PTPRD: variants seen among roughly 807,000 people sequenced by gnomAD.
The protein encoded by PTPRD is receptor-type tyrosine-protein phosphatase delta.
Under a neutral mutation model 214.5 loss-of-function variants are expected in PTPRD, and 34 were observed. The ratio of observed to expected loss-of-function variants is 0.16; its 90% CI spans 0.12 to 0.21. PTPRD has a LOEUF of 0.21. Ranked by LOEUF, PTPRD falls within the 10% of genes least tolerant of loss-of-function variation. The pLI is 1.00. For synonymous variants in PTPRD, 1,128 were observed against 845.7 expected, an observed-to-expected ratio of 1.33 and a Z score of -5.79; for missense variants, 2,545 against 2,398.7, an observed-to-expected ratio of 1.06 and a Z score of -1.27.
intron 9 of PTPRD, among the ~76,000 whole-genome samples, chr9:9,253,513 AT>A (rs1488790267): frequency 1.4e-5 from 2 of 143,122 alleles, no homozygotes; most frequent in Non-Finnish European, 3.1e-5. Context: ...GAAAAAAAAA[AT>A]ATGTATACAC....
chr9:9,625,903 C>A (rs1375114459), intron 7 of PTPRD, among the ~76,000 whole-genome samples: 1 of 152,162 alleles, frequency 6.6e-6, no homozygotes, highest in African/African-American at 2.4e-5. Flanking sequence ...CAGGAGTCAG[C>A]AGACTTTATC....
rs2097394793 is a variant in PTPRD, at chr9:8,501,078, T to C, written c.1823-19A>G. On this transcript the variant is annotated intron_variant, in intron 23 of 45. Coordinates refer to ENST00000381196, the MANE Select transcript of PTPRD (RefSeq NM_002839.4). ...GACGGCTCTTATTTTGGTAGTGAGTTAAAGGAGGATTTAAGTGAAAGGACA... is the reference window on the plus strand; with the variant it reads ...GACGGCTCTTATTTTGGTAGTGAGTCAAAGGAGGATTTAAGTGAAAGGACA... 6.3e-7 allele frequency: 1 copy of C among 1,594,908 alleles called. No individual in the cohort carries two copies. The highest frequency in any genetic ancestry group is 1.1e-5 in the South Asian group (1 of 89,778).
chr9:10,173,759 C>T (rs893303785), intron 3 of PTPRD, among the ~76,000 whole-genome samples: 12 of 151,572 alleles, frequency 7.9e-5, no homozygotes, highest in African/African-American at 2.2e-4. Flanking sequence ...TTGAGGTAAA[C>T]GCCTTTGTGT....
chr9:10,454,738 C>A (rs1041752703), intron 2 of PTPRD, among the ~76,000 whole-genome samples: 3 of 151,390 alleles, frequency 2.0e-5, no homozygotes, highest in Non-Finnish European at 4.4e-5. Context: ...GCCTTTGGAC[C>A]CTTCATCCAT....
At chr9:8,920,145 AC>A (rs2098817146) in intron 11 of PTPRD, among the ~76,000 whole-genome samples, 1 of 151,940 alleles carries the variant, frequency 6.6e-6, no homozygotes, top group Non-Finnish European at 1.5e-5. Context: ...GTGTGAGACC[AC>A]CCCGGGCAAC....
intron 2 of PTPRD, among the ~76,000 whole-genome samples, chr9:10,558,242 T>A (rs759866007): frequency 6.6e-6 from 1 of 152,156 alleles, no homozygotes; most frequent in African/African-American, 2.4e-5. Context: ...ACACTCAATA[T>A]ATTGAAGTAT....
At chr9:9,929,491 T>C (rs1412255426) in intron 5 of PTPRD, among the ~76,000 whole-genome samples, 3 of 152,174 alleles carry the variant, frequency 2.0e-5, no homozygotes, top group Admixed American at 2.0e-4. Flanking sequence ...CCTCCTGGGT[T>C]CAAACGATTC....
intron 11 of PTPRD, among the ~76,000 whole-genome samples, chr9:8,785,047 A>G (rs2095881733): frequency 1.3e-5 from 2 of 152,144 alleles, no homozygotes; most frequent in African/African-American, 4.8e-5. Context: ...TGAGACTAAT[A>G]AAAGAGAAAA....
At chr9:8,404,758 A>G in intron 35 of PTPRD, 98 bp from the exon 36 acceptor site, 2 of 1,394,432 alleles carry the variant, frequency 1.4e-6, no homozygotes, top group Non-Finnish European at 9.5e-7. Context: ...TAAAAGGAAA[A>G]TTCTGAAGCC....
At chr9:9,321,951 A>C (rs9408754) in intron 9 of PTPRD, among the ~76,000 whole-genome samples, 112,524 of 152,038 alleles carry the variant, frequency 0.74, 41,914 homozygotes, top group East Asian at 0.93. Flanking sequence ...ATATACATTA[A>C]TCTGCCATCT....
At chr9:8,422,248 G>A (rs747474361) in intron 35 of PTPRD, among the ~76,000 whole-genome samples, 2 of 147,926 alleles carry the variant, frequency 1.4e-5, no homozygotes, top group Non-Finnish European at 3.0e-5. Context: ...TATCACACAA[G>A]TTTATTTCTC....
chr9:10,232,359 A>C (rs1206452063), intron 3 of PTPRD, among the ~76,000 whole-genome samples: 1 of 152,014 alleles, frequency 6.6e-6, no homozygotes, highest in African/African-American at 2.4e-5. Context: ...TAAAAAAAGA[A>C]TATGACAGTA....
At chr9:9,393,976 G>A (rs1273890621) in intron 9 of PTPRD, among the ~76,000 whole-genome samples, 3 of 152,048 alleles carry the variant, frequency 2.0e-5, no homozygotes, top group Admixed American at 6.6e-5. Context: ...GTGCTTTCAT[G>A]ATGCCCTTAG....
intron 8 of PTPRD, among the ~76,000 whole-genome samples, chr9:9,444,430 A>G (rs1431786114): frequency 6.6e-6 from 1 of 152,204 alleles, no homozygotes; most frequent in Non-Finnish European, 1.5e-5. Flanking sequence ...TCAGACCCAA[A>G]GGACTAGAAC....
rs747895404 is a variant in PTPRD, at chr9:8,340,364, G to C, written c.5232C>G (p.Thr1744=). 6.2e-7 allele frequency: 1 copy of C among 1,610,102 alleles called. No homozygotes were observed. Residue 1744 remains threonine, a synonymous_variant, in exon 42 of 46, where the codon ACC becomes ACG. Coordinates refer to ENST00000381196, the MANE Select transcript of PTPRD (RefSeq NM_002839.4). ...EHNSTIVVML[T]KLREMGREKC... ...TTACTCTGCCCATTTCACGCAGCTT[G>C]GTGAGCATCACAACTATGGTGGAAT...
At chr9:10,030,351 T>A (rs1389676120) in intron 4 of PTPRD, among the ~76,000 whole-genome samples, 1 of 152,204 alleles carries the variant, frequency 6.6e-6, no homozygotes, top group East Asian at 1.9e-4. Flanking sequence ...GAAAAGGTGT[T>A]TGTGATAATA....
At chr9:10,433,014 G>C (rs1484588180) in intron 2 of PTPRD, among the ~76,000 whole-genome samples, 1 of 151,662 alleles carries the variant, frequency 6.6e-6, no homozygotes, top group East Asian at 1.9e-4. Flanking sequence ...TACTAATATA[G>C]CTCCTCCTTT....
chr9:10,163,490 T>C (rs999596592), intron 3 of PTPRD, among the ~76,000 whole-genome samples: 11 of 151,614 alleles, frequency 7.3e-5, no homozygotes, highest in Admixed American at 1.3e-4. Flanking sequence ...AGAATAAATA[T>C]GACTCAATCA....
chr9:10,105,908 C>T (rs1204424220), intron 3 of PTPRD, among the ~76,000 whole-genome samples: 1 of 150,464 alleles, frequency 6.6e-6, no homozygotes, highest in African/African-American at 2.4e-5. Flanking sequence ...CACAAAATCA[C>T]CTCCACTCAC....
Sources: gnomAD v4.1 joint callset for allele counts (sites outside exome capture counted in the v4.1 genomes callset) on GRCh38, gnomAD v4.1.1 for gene constraint, MANE v1.5 for transcripts, NCBI Gene and HGNC (gene_info 2026-07-23, HGNC 2026-07-21) for gene names.